Variants in SCMH1 observed in about 807,000 individuals in gnomAD.
The protein encoded by SCMH1 is Scm polycomb group protein homolog 1.
Under a neutral mutation model 70.8 loss-of-function variants are expected in SCMH1, and 37 were observed. The ratio of observed to expected loss-of-function variants is 0.52; its 90% confidence interval spans 0.40 to 0.69. SCMH1 has a LOEUF of 0.69. Among genes scored for constraint, SCMH1 ranks in the 30% least tolerant of loss-of-function variants. The pLI, the probability that SCMH1 is intolerant of heterozygous loss-of-function variation, is 0.00. For missense variants in SCMH1, 607 were observed against 827.3 expected (o/e 0.73, Z 3.27); for synonymous variants, 292 against 307.4 (o/e 0.95, Z 0.52).
Position 41,218,793 on chromosome 1 carries a change from C to T in SCMH1, c.-118+23266G>A, listed in dbSNP as rs773129472. On this transcript the variant is annotated intron_variant, in intron 1 of 14. Transcript: ENST00000337495. ...AAAGAAATAACTTTCTGTTAAACCA[C>T]TCTTAACCACTACACTAAACTTTCT... Among the ~76,000 whole-genome samples, 160 of 152,236 alleles carry T rather than the reference C, an allele frequency of 1.1e-3. 2 individuals carry two copies. The highest frequency in any genetic ancestry group is 3.5e-3 in the Admixed American group (53 of 15,286).
chr1:41,192,528 C>CACACACACCAA, intron 1 of SCMH1, among the ~76,000 whole-genome samples: 1 of 111,352 alleles, frequency 9.0e-6, no homozygotes, highest in Non-Finnish European at 2.2e-5. Context: ...ACACACACCA[C>CACACACACCAA]TTAGAACAGT....
chr1:41,207,722 C>T (rs889764291), intron 1 of SCMH1, among the ~76,000 whole-genome samples: 7 of 152,218 alleles, frequency 4.6e-5, no homozygotes, highest in Non-Finnish European at 1.0e-4. Flanking sequence ...CACTCCAAAT[C>T]AACAGAATAT....
At chr1:41,078,096 A>C (rs1658915199) in intron 8 of SCMH1, among the ~76,000 whole-genome samples, 1 of 152,194 alleles carries the variant, frequency 6.6e-6, no homozygotes, top group East Asian at 1.9e-4. Flanking sequence ...ATAACTAAAA[A>C]ATACAATATT....
intron 10 of SCMH1, among the ~76,000 whole-genome samples, chr1:41,054,607 C>T (rs1649547520): frequency 1.3e-5 from 2 of 152,146 alleles, no homozygotes; most frequent in African/African-American, 2.4e-5. Flanking sequence ...TAAGGGCAAG[C>T]CTCACAGATT....
chr1:41,166,650 C>T (rs1646427922), intron 2 of SCMH1, among the ~76,000 whole-genome samples: 1 of 125,492 alleles, frequency 8.0e-6, no homozygotes, highest in East Asian at 2.2e-4. Flanking sequence ...TCAGAAAGTT[C>T]ACTGTTAGTG....
At chr1:41,155,616 AG>A (rs1406176650) in intron 4 of SCMH1, among the ~76,000 whole-genome samples, 1 of 152,192 alleles carries the variant, frequency 6.6e-6, no homozygotes, top group Non-Finnish European at 1.5e-5. Flanking sequence ...AAAAAATAAA[AG>A]TAAGAGGTAA....
chr1:41,082,559 A>G (rs1266325653), intron 8 of SCMH1, among the ~76,000 whole-genome samples: 1 of 152,218 alleles, frequency 6.6e-6, no homozygotes, highest in Non-Finnish European at 1.5e-5. Flanking sequence ...AGAGCTCCTG[A>G]AGGAAGCACT....
intron 1 of SCMH1, among the ~76,000 whole-genome samples, chr1:41,238,581 T>C (rs546232227): frequency 3.3e-4 from 50 of 152,276 alleles, no homozygotes; most frequent in South Asian, 3.1e-3. Flanking sequence ...GGGTCACATC[T>C]TTCTCTCTTC....
chr1:41,211,983 A>G (rs1657130171), intron 1 of SCMH1, among the ~76,000 whole-genome samples: 1 of 152,160 alleles, frequency 6.6e-6, no homozygotes, highest in African/African-American at 2.4e-5. Context: ...ACTTGGATAC[A>G]GGGCGGGGAA....
rs150281011 is a variant in SCMH1, at chr1:41,132,007, T to C, written c.412+10871A>G. ...ATTGTGAATAGTGCTGCAATAAATA[T>C]ATGTGTGCATGTGTCTTTATAGTAG... On this transcript the variant is annotated intron_variant, in intron 6 of 14. Transcript: ENST00000337495. Among the ~76,000 whole-genome samples, 931 of 152,314 alleles carry C rather than the reference T, an allele frequency of 6.1e-3. 14 individuals carry two copies. Among genetic ancestry groups the C allele is most frequent in the African/African-American group, 0.021 (890 of 41,574 alleles).
intron 9 of SCMH1, among the ~76,000 whole-genome samples, chr1:41,072,702 A>G (rs2148888719): frequency 6.6e-6 from 1 of 152,246 alleles, no homozygotes; most frequent in South Asian, 2.1e-4. Flanking sequence ...TGTCTACAAA[A>G]GTTTTTTTTA....
chr1:41,198,889 G>C (rs888322914), intron 1 of SCMH1, among the ~76,000 whole-genome samples: 4 of 152,142 alleles, frequency 2.6e-5, no homozygotes, highest in African/African-American at 7.2e-5. Flanking sequence ...TATACTCCTA[G>C]ATGACAGTGA....
intron 10 of SCMH1, among the ~76,000 whole-genome samples, chr1:41,059,345 C>T (rs1370910565): frequency 6.6e-6 from 1 of 152,140 alleles, no homozygotes; most frequent in African/African-American, 2.4e-5. Context: ...AAACCCCAAA[C>T]CCCAGGATCG....
At chr1:41,062,202 C>G (rs1386524616) in intron 10 of SCMH1, among the ~76,000 whole-genome samples, 3 of 152,064 alleles carry the variant, frequency 2.0e-5, no homozygotes, top group Non-Finnish European at 2.9e-5. Context: ...ACAATGTCTT[C>G]TTTCAGAACA....
intron 10 of SCMH1, among the ~76,000 whole-genome samples, chr1:41,058,788 T>C (rs1651525915): frequency 6.6e-6 from 1 of 152,154 alleles, no homozygotes; most frequent in Non-Finnish European, 1.5e-5. Context: ...CATAAGATAA[T>C]GTGAATGTTT....
chr1:41,172,833 G>A (rs190901397), intron 2 of SCMH1, among the ~76,000 whole-genome samples: 7 of 152,272 alleles, frequency 4.6e-5, no homozygotes, highest in African/African-American at 1.7e-4. Context: ...AGCATTCACT[G>A]GGGAAGGGAC....
chr1:41,150,954 A>AAG (rs1557664809), intron 5 of SCMH1, among the ~76,000 whole-genome samples: 3 of 151,720 alleles, frequency 2.0e-5, no homozygotes, highest in African/African-American at 7.2e-5. Flanking sequence ...AAAAAAAAAA[A>AAG]AAAGAAAACA....
intron 12 of SCMH1, among the ~76,000 whole-genome samples, chr1:41,040,419 G>A (rs140061274): frequency 8.7e-4 from 133 of 152,262 alleles, no homozygotes; most frequent in African/African-American, 3.1e-3. Context: ...GAAAGGCAAC[G>A]GGAAGGCATC....
At chr1:41,229,567 A>G (rs956250019) in intron 1 of SCMH1, among the ~76,000 whole-genome samples, 1 of 152,142 alleles carries the variant, frequency 6.6e-6, no homozygotes, top group Non-Finnish European at 1.5e-5. Context: ...AGGGAGGGGA[A>G]CAGCACACAC....
Sources: gnomAD v4.1 joint callset for allele counts (sites outside exome capture counted in the v4.1 genomes callset) on GRCh38, gnomAD v4.1.1 for gene constraint, MANE v1.5 for transcripts, NCBI Gene and HGNC (gene_info 2026-07-23, HGNC 2026-07-21) for gene names.